ZNF827: variants seen among roughly 807,000 people sequenced by gnomAD.
ZNF827 encodes zinc finger protein 827.
A neutral mutation model predicts 102.4 loss-of-function variants in ZNF827; 13 were observed. The observed-to-expected ratio is 0.13, with a 90% CI of 0.08 to 0.20. The LOEUF (loss-of-function observed/expected upper bound fraction) is 0.20, where lower values mean the gene tolerates loss of function less well. Among genes scored for constraint, ZNF827 ranks in the 10% least tolerant of loss-of-function variants. ZNF827 has a pLI of 1.00. For missense variants in ZNF827, 1,103 were observed against 1,344.4 expected, an observed-to-expected ratio of 0.82 and a Z score of 2.81; for synonymous variants, 523 against 536.2, an observed-to-expected ratio of 0.98 and a Z score of 0.34.
chr4:145,854,962 A>T (rs1746918025), intron 5 of ZNF827, among the ~76,000 whole-genome samples: 1 of 152,126 alleles, frequency 6.6e-6, no homozygotes, highest in South Asian at 2.1e-4. Context: ...CATCTTTCGG[A>T]TATCCTCAAG....
intron 8 of ZNF827, among the ~76,000 whole-genome samples, chr4:145,801,308 A>T (rs1382968157): frequency 6.6e-6 from 1 of 152,210 alleles, no homozygotes; most frequent in Non-Finnish European, 1.5e-5. Flanking sequence ...GTACTTGCAG[A>T]TATTCAGATA....
At chr4:145,774,959 C>T (rs914608620) in intron 10 of ZNF827, among the ~76,000 whole-genome samples, 1 of 152,200 alleles carries the variant, frequency 6.6e-6, no homozygotes, top group Non-Finnish European at 1.5e-5. Flanking sequence ...ATTCCAGATG[C>T]TGCACATCAC....
At chr4:145,910,134 C>T (rs1015469480) in intron 1 of ZNF827, among the ~76,000 whole-genome samples, 2 of 152,162 alleles carry the variant, frequency 1.3e-5, no homozygotes, top group African/African-American at 4.8e-5. Flanking sequence ...CGAGAGTAGT[C>T]CACACACGGG....
At chr4:145,809,627 G>T (rs1293745611) in intron 8 of ZNF827, among the ~76,000 whole-genome samples, 1 of 152,144 alleles carries the variant, frequency 6.6e-6, no homozygotes, top group East Asian at 1.9e-4. Flanking sequence ...TGCTTCTATA[G>T]ATAACATCAC....
At chr4:145,882,321 G>C (rs1749737146) in intron 4 of ZNF827, among the ~76,000 whole-genome samples, 1 of 149,894 alleles carries the variant, frequency 6.7e-6, no homozygotes, top group African/African-American at 2.5e-5. Flanking sequence ...TCATTTTTCT[G>C]TCAGCCCTGA....
intron 7 of ZNF827, among the ~76,000 whole-genome samples, chr4:145,825,263 G>T (rs746788263): frequency 1.3e-5 from 2 of 152,236 alleles, no homozygotes; most frequent in Non-Finnish European, 2.9e-5. Flanking sequence ...CCAGCACTGT[G>T]AGAAAGCCTG....
intron 7 of ZNF827, among the ~76,000 whole-genome samples, chr4:145,824,147 G>A (rs1743434379): frequency 6.6e-6 from 1 of 152,186 alleles, no homozygotes; most frequent in Admixed American, 6.5e-5. Flanking sequence ...GCCCTGACCT[G>A]AGTGATCCTA....
At chr4:145,788,122 A>G (rs987900104) in intron 8 of ZNF827, among the ~76,000 whole-genome samples, 1 of 152,220 alleles carries the variant, frequency 6.6e-6, no homozygotes, top group Admixed American at 6.5e-5. Context: ...CTTAGTAAAC[A>G]GCTGCTTCTG....
chr4:145,771,820 T>C (rs1736332635), intron 11 of ZNF827, among the ~76,000 whole-genome samples: 1 of 152,196 alleles, frequency 6.6e-6, no homozygotes, highest in Non-Finnish European at 1.5e-5. Context: ...GGTAACAAGA[T>C]AGCGTGGCAG....
chr4:145,817,059 A>G (rs1271638424), intron 8 of ZNF827, among the ~76,000 whole-genome samples: 1 of 152,216 alleles, frequency 6.6e-6, no homozygotes, highest in Non-Finnish European at 1.5e-5. Flanking sequence ...AAATACTATC[A>G]TAAGTATGCA....
chr4:145,817,393 G>A (rs1277548984), intron 8 of ZNF827, among the ~76,000 whole-genome samples: 1 of 152,160 alleles, frequency 6.6e-6, no homozygotes, highest in South Asian at 2.1e-4. Context: ...TTTTCACACT[G>A]CTATAAAAAT....
chr4:145,848,707 C>G (rs1305715423), intron 6 of ZNF827, among the ~76,000 whole-genome samples: 1 of 152,174 alleles, frequency 6.6e-6, no homozygotes, highest in African/African-American at 2.4e-5. Flanking sequence ...AACTTAGGTA[C>G]TGGGATCCTT....
At chr4:145,863,650 A>G (rs1329094886) in intron 5 of ZNF827, among the ~76,000 whole-genome samples, 1 of 151,260 alleles carries the variant, frequency 6.6e-6, no homozygotes, top group African/African-American at 2.4e-5. Context: ...TGCATATTGT[A>G]TGATTTCATT....
intron 1 of ZNF827, among the ~76,000 whole-genome samples, chr4:145,915,066 G>C (rs965664560): frequency 6.6e-6 from 1 of 152,224 alleles, no homozygotes; most frequent in East Asian, 1.9e-4. Flanking sequence ...CACGTAGTGC[G>C]TGTCTTCTTG....
chr4:145,848,349 G>A (rs1746185302), intron 6 of ZNF827, among the ~76,000 whole-genome samples: 1 of 152,190 alleles, frequency 6.6e-6, no homozygotes, highest in African/African-American at 2.4e-5. Flanking sequence ...ACACAGCTAT[G>A]GGCTGTGTTG....
chr4:145,929,009 A>T (rs1297555723), intron 1 of ZNF827, among the ~76,000 whole-genome samples: 1 of 152,210 alleles, frequency 6.6e-6, no homozygotes, highest in East Asian at 1.9e-4. Context: ...TTTTCAAAGG[A>T]AGCTGGAAAT....
intron 4 of ZNF827, among the ~76,000 whole-genome samples, chr4:145,881,497 T>A (rs545153512): frequency 6.6e-6 from 1 of 152,330 alleles, no homozygotes; most frequent in Admixed American, 6.5e-5. Context: ...GTCAACTGCT[T>A]GGTTATAATT....
intron 4 of ZNF827, among the ~76,000 whole-genome samples, chr4:145,885,087 G>A (rs1410212940): frequency 6.6e-6 from 1 of 151,678 alleles, no homozygotes; most frequent in African/African-American, 2.4e-5. Flanking sequence ...ACCTAAAATG[G>A]TTAAAATGGT....
chr4:145,930,351 T>C (rs1034029218), intron 1 of ZNF827, among the ~76,000 whole-genome samples: 3 of 152,178 alleles, frequency 2.0e-5, no homozygotes, highest in African/African-American at 2.4e-5. Flanking sequence ...CATTTCACCC[T>C]GAGATCCACA....
Sources: allele counts gnomAD v4.1 joint callset (sites outside exome capture counted in the v4.1 genomes callset), GRCh38; gene constraint gnomAD v4.1.1; transcripts MANE v1.5; gene names NCBI Gene and HGNC (gene_info 2026-07-23, HGNC 2026-07-21).